The following ZDHHC8 variants were observed in gnomAD, a reference collection of about 807,000 sequenced individuals.
The protein encoded by ZDHHC8 is palmitoyltransferase ZDHHC8.
ZDHHC8 carries 24 observed loss-of-function variants against 61.2 expected under a neutral mutation model. That is an observed-to-expected ratio of 0.39 (90% confidence interval 0.28 to 0.55). The LOEUF is 0.55. Ranked by LOEUF, ZDHHC8 falls within the 20% of genes least tolerant of loss-of-function variation. The probability of loss-of-function intolerance (pLI) is 0.60; values close to 1 mark genes in which losing one functional copy is unlikely to be tolerated. For synonymous variants in ZDHHC8, 523 were observed against 492.5 expected, an observed-to-expected ratio of 1.06 and a Z score of -0.82; for missense variants, 935 against 1,102.1, an observed-to-expected ratio of 0.85 and a Z score of 2.15.
At chr22:20,138,072 CGGGGCGGCGGGGCTG>C in intron 1 of ZDHHC8, among the ~76,000 whole-genome samples, 1 of 152,372 alleles carries the variant, frequency 6.6e-6, no homozygotes, top group African/African-American at 2.4e-5. Context: ...AGGTGGTTGC[CGGGGCGGCGGGGCTG>C]GCTCTTGGCC....
Position 20,143,597 on chromosome 22 carries a change from C to G in ZDHHC8, c.1967C>G (p.Pro656Arg). Residue 656 changes from proline to arginine, a missense_variant, in exon 10 of 11, where the codon CCG (proline) becomes CGG (arginine). Pro to Arg is a moderately radical substitution (Grantham distance 103). Coordinates refer to ENST00000334554, the MANE Select transcript of ZDHHC8 (RefSeq NM_013373.4). Reference sequence around the variant, plus strand: ...GCTGATCAGGCCAGCAGCAACGCCCCGGGGCCCCGGCCCAGCAGTGGCTCA... The same window carrying G: ...GCTGATCAGGCCAGCAGCAACGCCCGGGGGCCCCGGCCCAGCAGTGGCTCA... ...LQADQASSNA[P>R]GPRPSSGSHR... is the part of the protein sequence containing the mutation. The G allele has an allele frequency of 6.2e-7, 1 of 1,600,914 alleles. No homozygotes were observed.
At chr22:20,133,016 A>G (rs2050390686) in intron 1 of ZDHHC8, among the ~76,000 whole-genome samples, 1 of 152,136 alleles carries the variant, frequency 6.6e-6, no homozygotes, top group South Asian at 2.1e-4. Context: ...GAGCCTGGAG[A>G]GGGGCAGGTA....
chr22:20,145,541 C>G lies in ZDHHC8; in HGVS notation c.*141C>G. On this transcript the variant is annotated 3_prime_UTR_variant, in exon 11 of 11. Transcript: ENST00000334554. ...GACCCATCGGCGGGAGAGAGTGCCA[C>G]GCCTCCACAGCTTGCCCCAAGCGCT... The G allele has an allele frequency of 7.7e-7, 1 of 1,302,712 alleles. No homozygotes were observed. Among genetic ancestry groups the G allele is most frequent in the Non-Finnish European group, 9.7e-7 (1 of 1,025,850 alleles). 80.7% of individuals were successfully genotyped at this position (1,302,712 alleles called of 1,614,324 possible).
chr22:20,133,715 C>G (rs1466301260), intron 1 of ZDHHC8, among the ~76,000 whole-genome samples: 1 of 131,938 alleles, frequency 7.6e-6, no homozygotes, highest in Admixed American at 7.9e-5. Flanking sequence ...GAGCAAGACT[C>G]TGTCTCAAAA....
chr22:20,147,196 G>A lies in ZDHHC8; in HGVS notation c.*1796G>A. 1 of 1,508,646 alleles carries A rather than the reference G, an allele frequency of 6.6e-7. No individual in the cohort carries two copies. Among genetic ancestry groups the A allele is most frequent in the Admixed American group, 2.2e-5 (1 of 45,132 alleles). The allele number at this position is 1,508,646 out of a possible 1,614,324, so 93.5% of individuals were successfully genotyped here. A position where few individuals can be genotyped will look rare whatever the true frequency, so the allele number is the denominator to read the frequency against. On this transcript the variant is annotated 3_prime_UTR_variant, in exon 11 of 11. Coordinates refer to ENST00000334554, the MANE Select transcript of ZDHHC8 (RefSeq NM_013373.4). ...GGCCATGTGCCGCCTGCACTTGGCT[G>A]CCTCCAGTCTTTTCCCCAGCCTCTC...
chr22:20,135,268 G>A (rs1602566156), intron 1 of ZDHHC8, among the ~76,000 whole-genome samples: 1 of 152,024 alleles, frequency 6.6e-6, no homozygotes, highest in Admixed American at 6.6e-5. Flanking sequence ...TGGGGGTTTT[G>A]TATCCCCCTG....
At chr22:20,141,697 C>T (rs1468919741) in intron 9 of ZDHHC8, among the ~76,000 whole-genome samples, 167 bp downstream of exon 9, 1 of 152,174 alleles carries the variant, frequency 6.6e-6, no homozygotes, top group African/African-American at 2.4e-5. Context: ...CCTGGGTCAC[C>T]AAGGGCCTTG....
At chr22:20,142,517 C>T (rs1270373486) in intron 9 of ZDHHC8, among the ~76,000 whole-genome samples, 1 of 152,184 alleles carries the variant, frequency 6.6e-6, no homozygotes, top group Admixed American at 6.5e-5. Flanking sequence ...CTGCATGGCT[C>T]CAAGGGCAGA....
At chr22:20,141,035 G>C (rs1472463883) in intron 7 of ZDHHC8, 23 bp downstream of exon 7, 2 of 1,609,306 alleles carry the variant, frequency 1.2e-6, no homozygotes, top group East Asian at 4.5e-5. Flanking sequence ...GCTTAGGGAT[G>C]GGCTGGCAGT....
intron 1 of ZDHHC8, among the ~76,000 whole-genome samples, chr22:20,138,124 C>A (rs1188302755): frequency 4.6e-5 from 7 of 152,254 alleles, no homozygotes; most frequent in Non-Finnish European, 1.0e-4. Context: ...AGCAGCGTGG[C>A]CACGTGCGCT....
In ZDHHC8 at chr22:20,145,293, C is replaced by T. The variant is rs374972594; in HGVS notation, c.2191C>T (p.Leu731=). The change falls in exon 11 of 11, where the codon CTG becomes TTG. Residue 731 remains leucine, a synonymous_variant. Coordinates refer to ENST00000334554, the MANE Select transcript of ZDHHC8 (RefSeq NM_013373.4). ...LNGQSPGLAR[L]GPATGPPGPS... Reference sequence around the variant, plus strand: ...TGGGCAGTCCCCGGGCCTGGCCCGGCTGGGACCTGCCACCGGCCCCCCAGG... The same window carrying T: ...TGGGCAGTCCCCGGGCCTGGCCCGGTTGGGACCTGCCACCGGCCCCCCAGG... 1 of 1,590,116 alleles carries T rather than the reference C, an allele frequency of 6.3e-7. No individual in the cohort carries two copies. Among genetic ancestry groups the T allele is most frequent in the Non-Finnish European group, 8.6e-7 (1 of 1,169,174 alleles).
rs1490674892 is a variant in ZDHHC8 at position 20,139,792 on chromosome 22, C to T, written c.457C>T (p.Leu153=). Residue 153 remains leucine, a synonymous_variant, in exon 4 of 11, where the codon CTG becomes TTG. Transcript: ENST00000334554. ...AAACTATCGCTACTTCTTCCTGTTC[C>T]TGCTGTCACTCAGTGCACACATGGT... ...RRNYRYFFLF[L]LSLSAHMVGV... The T allele has an allele frequency of 1.2e-6, 2 of 1,613,260 alleles. No individual in the cohort carries two copies. Among genetic ancestry groups the T allele is most frequent in the Non-Finnish European group, 8.5e-7 (1 of 1,180,014 alleles).
rs2050454274 is a variant in ZDHHC8, at chr22:20,140,044, GGCACCTGCTCTGT to G, written c.558-68_558-56del. 1.9e-6 allele frequency: 3 copies of G among 1,595,802 alleles called. No homozygotes were observed. In the East Asian group the frequency reaches 6.7e-5, roughly 36 times the overall value. On this transcript the variant is annotated intron_variant, in intron 4 of 10. Transcript: ENST00000334554. ...TAGGTTGGGAGGAGGTTTGTCCACA[GGCACCTGCTCTGT>G]GCTGCTGCGATGGGGTCTGCGGTGT... is the stretch of plus-strand genomic sequence containing the variant.
At chr22:20,138,291 C>T (rs887961228) in intron 1 of ZDHHC8, among the ~76,000 whole-genome samples, 2 of 152,250 alleles carry the variant, frequency 1.3e-5, no homozygotes, top group African/African-American at 4.8e-5. Context: ...CTTGTCACAG[C>T]AGCTGTCTCA....
rs1369351526 is a variant in ZDHHC8, at chr22:20,146,034, CTG to C, written c.*639_*640del. ...GGGCCCGGCTCCATGTGTCCCGTGT[CTG>C]TGTGCTGTGCTGCCGCGCCGTGTCT... On this transcript the variant is annotated 3_prime_UTR_variant, in exon 11 of 11. Transcript: ENST00000334554. 1.4e-5 allele frequency: 14 copies of C among 986,058 alleles called. No homozygotes were observed. Among genetic ancestry groups the C allele is most frequent in the Non-Finnish European group, 1.7e-5 (14 of 830,176 alleles). The allele number at this position is 986,058 out of a possible 1,614,324, so 61.1% of individuals were successfully genotyped here. A position where few individuals can be genotyped will look rare whatever the true frequency, so the allele number is the denominator to read the frequency against.
In ZDHHC8 at chr22:20,143,763, G is replaced by T; in HGVS notation, c.2126+7G>T. On this transcript the variant is annotated splice_region_variant and intron_variant, in intron 10 of 10. Coordinates refer to ENST00000334554, the MANE Select transcript of ZDHHC8 (RefSeq NM_013373.4). ...CCTCGCTGACCGTGCAGAGGTGGGTGCCGGGAGGTGCGGGTGGGCTTCCTG... is the reference window on the plus strand; with the variant it reads ...CCTCGCTGACCGTGCAGAGGTGGGTTCCGGGAGGTGCGGGTGGGCTTCCTG... 6.2e-7 allele frequency: 1 copy of T among 1,600,446 alleles called. No homozygotes were observed. The highest frequency in any genetic ancestry group is 8.5e-7 in the Non-Finnish European group (1 of 1,177,456).
At position 20,146,373 on chromosome 22, in the gene ZDHHC8, G is replaced by A. The variant is rs564837529; in HGVS notation, c.*973G>A. 10 of 985,516 alleles carry A rather than the reference G, an allele frequency of 1.0e-5. No homozygotes were observed. Among genetic ancestry groups the A allele is most frequent in the African/African-American group, 1.7e-5 (1 of 57,230 alleles). 61.0% of individuals were successfully genotyped at this position (985,516 alleles called of 1,614,324 possible). A position where few individuals can be genotyped will look rare whatever the true frequency, so the allele number is the denominator to read the frequency against. ...GACCTGAGAGTAAGCACATGACAGC[G>A]TCTGCTTGCGTTGTGTCTGTTTTAT... On this transcript the variant is annotated 3_prime_UTR_variant, in exon 11 of 11. Coordinates refer to ENST00000334554, the MANE Select transcript of ZDHHC8 (RefSeq NM_013373.4).
At position 20,139,120 on chromosome 22, in the gene ZDHHC8, G is replaced by T. The variant is rs1433543390; in HGVS notation, c.105-74G>T. ...GGTGACCTTGCAGGCCCAGCCTGCC[G>T]CACCACATAGCTCTGCGCCTGCATC... On this transcript the variant is annotated intron_variant, in intron 1 of 10. Coordinates refer to ENST00000334554, the MANE Select transcript of ZDHHC8 (RefSeq NM_013373.4). The T allele has an allele frequency of 7.2e-6, 11 of 1,536,248 alleles. No homozygotes were observed. The South Asian group carries it at 1.4e-4, about 20-fold the overall frequency.
In ZDHHC8 at chr22:20,140,228, C is replaced by T. The variant is rs774116971; in HGVS notation, c.660+11C>T. Reference sequence around the variant, plus strand: ...ACCACCAACGAGCAGGTGCAGACCCCATGGGGGATGGGTGGCCCCAAAGGG... The same window carrying T: ...ACCACCAACGAGCAGGTGCAGACCCTATGGGGGATGGGTGGCCCCAAAGGG... On this transcript the variant is annotated intron_variant, in intron 5 of 10. Coordinates refer to ENST00000334554, the MANE Select transcript of ZDHHC8 (RefSeq NM_013373.4). 1 of 1,609,678 alleles carries T rather than the reference C, an allele frequency of 6.2e-7. No individual in the cohort carries two copies. Among genetic ancestry groups the T allele is most frequent in the Non-Finnish European group, 8.5e-7 (1 of 1,179,160 alleles).
Sources: gnomAD v4.1 joint callset for allele counts (sites outside exome capture counted in the v4.1 genomes callset) on GRCh38, gnomAD v4.1.1 for gene constraint, MANE v1.5 for transcripts, NCBI Gene and HGNC (gene_info 2026-07-23, HGNC 2026-07-21) for gene names.